NUP210L: variants seen among roughly 807,000 people sequenced by gnomAD.
NUP210L encodes nuclear pore membrane glycoprotein 210-like.
NUP210L carries 74 observed loss-of-function variants against 208.5 expected under a neutral mutation model. That is an observed-to-expected ratio of 0.35 (90% CI 0.29 to 0.43). NUP210L has a LOEUF of 0.43. Ranked by LOEUF, NUP210L falls within the 20% of genes least tolerant of loss-of-function variation. The probability of loss-of-function intolerance (pLI) is 1.00; values close to 1 mark genes in which losing one functional copy is unlikely to be tolerated. For missense variants in NUP210L, 1,843 were observed against 2,289.4 expected (o/e 0.81, Z 3.98); for synonymous variants, 780 against 816.9 (o/e 0.95, Z 0.77).
At chr1:154,068,790 A>G (rs1465570244) in intron 17 of NUP210L, among the ~76,000 whole-genome samples, 2 of 151,432 alleles carry the variant, frequency 1.3e-5, no homozygotes, top group African/African-American at 2.4e-5. Context: ...ACACATGGAC[A>G]CAGGAAGGGG....
At chr1:154,110,338 C>A (rs1280270123) in intron 12 of NUP210L, among the ~76,000 whole-genome samples, 1 of 149,088 alleles carries the variant, frequency 6.7e-6, no homozygotes, top group Non-Finnish European at 1.5e-5. Context: ...GTGGTGCAAT[C>A]TCAGCTCACT....
intron 5 of NUP210L, among the ~76,000 whole-genome samples, chr1:154,139,286 G>C (rs950348141): frequency 1.3e-5 from 2 of 151,990 alleles, no homozygotes; most frequent in African/African-American, 4.8e-5. Flanking sequence ...TCAAAGAAAG[G>C]CCTTGCACCT....
chr1:154,145,156 G>A (rs1414082507), intron 2 of NUP210L, among the ~76,000 whole-genome samples: 1 of 151,516 alleles, frequency 6.6e-6, no homozygotes, highest in Non-Finnish European at 1.5e-5. Context: ...GATGGCTCAC[G>A]CCTGTAATCC....
chr1:154,049,947 G>A (rs542851012), intron 25 of NUP210L, among the ~76,000 whole-genome samples: 21 of 152,312 alleles, frequency 1.4e-4, no homozygotes, highest in Non-Finnish European at 2.6e-4. Flanking sequence ...CAATTTGCCA[G>A]AAGTATGTAG....
chr1:154,136,163 T>C (rs1447734271), intron 6 of NUP210L, among the ~76,000 whole-genome samples, 191 bp from the exon 7 acceptor site: 1 of 152,130 alleles, frequency 6.6e-6, no homozygotes, highest in Non-Finnish European at 1.5e-5. Flanking sequence ...TTAAAATATA[T>C]TGCTGGAGGC....
chr1:154,072,103 T>C (rs1379970736), intron 16 of NUP210L, among the ~76,000 whole-genome samples: 9 of 151,996 alleles, frequency 5.9e-5, no homozygotes, highest in Non-Finnish European at 1.3e-4. Flanking sequence ...TGCAAGTATC[T>C]TTTTCATATA....
rs1249239021 is a variant in NUP210L, at chr1:154,141,620, T to A, written c.473-96A>T. 6 of 728,786 alleles carry A rather than the reference T, an allele frequency of 8.2e-6. No homozygotes were observed. In the East Asian group the frequency reaches 1.5e-4, roughly 18 times the overall value. 45.1% of individuals were successfully genotyped at this position (728,786 alleles called of 1,614,324 possible). On this transcript the variant is annotated intron_variant, in intron 3 of 39. Coordinates refer to ENST00000368559, the Ensembl canonical transcript of NUP210L. Reference sequence around the variant, plus strand: ...AAGGGAAACCTAACTAGAAAATTACTTTGAAGCCTCTTTCATTAAGAAATA... The same window carrying A: ...AAGGGAAACCTAACTAGAAAATTACATTGAAGCCTCTTTCATTAAGAAATA...
At chr1:154,123,880 A>T (rs975573114) in intron 10 of NUP210L, among the ~76,000 whole-genome samples, 1 of 142,546 alleles carries the variant, frequency 7.0e-6, no homozygotes, top group African/African-American at 2.6e-5. Flanking sequence ...TGTCTCAATT[A>T]AAAAAAAAAA....
intron 12 of NUP210L, among the ~76,000 whole-genome samples, chr1:154,112,086 CCTGA>C (rs1037995498): frequency 4.0e-5 from 6 of 151,492 alleles, no homozygotes; most frequent in Non-Finnish European, 7.4e-5. Flanking sequence ...CACCACCATG[CCTGA>C]CTAATTTTTT....
exon 10 of NUP210L, chr1:154,126,351 T>C: frequency 6.2e-7 from 1 of 1,613,350 alleles, no homozygotes; most frequent in South Asian, 1.1e-5. Context: ...CAGGGATGCA[T>C]TTATTACCAC....
chr1:154,052,789 T>C (rs1264711342), intron 25 of NUP210L, among the ~76,000 whole-genome samples: 1 of 152,208 alleles, frequency 6.6e-6, no homozygotes, highest in Non-Finnish European at 1.5e-5. Flanking sequence ...TTTGGGAAGA[T>C]TGCACTGCAG....
intron 23 of NUP210L, among the ~76,000 whole-genome samples, chr1:154,055,123 T>TTTCC: frequency 8.5e-6 from 1 of 117,140 alleles, no homozygotes; most frequent in East Asian, 2.5e-4. Flanking sequence ...TCTTTCTTTC[T>TTTCC]TTTCTTTCTT....
At chr1:153,994,206 C>T (rs1041605093) in intron 38 of NUP210L, among the ~76,000 whole-genome samples, 6 of 152,080 alleles carry the variant, frequency 3.9e-5, no homozygotes, top group African/African-American at 1.4e-4. Context: ...TTATCCCTAA[C>T]TATGAATTTC....
chr1:154,114,553 A>C (rs889972868), intron 12 of NUP210L, among the ~76,000 whole-genome samples: 1 of 152,046 alleles, frequency 6.6e-6, no homozygotes, highest in African/African-American at 2.4e-5. Flanking sequence ...CCATAGGTGA[A>C]TTACGCTAAA....
At chr1:154,150,540 C>T (rs888243239) in intron 2 of NUP210L, among the ~76,000 whole-genome samples, 3 of 151,806 alleles carry the variant, frequency 2.0e-5, no homozygotes, top group Non-Finnish European at 4.4e-5. Flanking sequence ...CTAGCCTGGC[C>T]GACATGGTGA....
Position 154,139,690 on chromosome 1 carries a change from A to C in NUP210L, c.717+112T>G, listed in dbSNP as rs185615709. 9.5e-3 allele frequency: 4,864 copies of C among 510,624 alleles called. 158 individuals are homozygous for C. The highest frequency in any genetic ancestry group is 0.084 in the African/African-American group (4,202 of 50,046). The allele number at this position is 510,624 out of a possible 1,614,324, so 31.6% of individuals were successfully genotyped here. ...TCTACAAAAACAAACAAACAAACAAAAAAAAAAAAAAAACAGGGCGGGTAG... is the reference window on the plus strand; with the variant it reads ...TCTACAAAAACAAACAAACAAACAACAAAAAAAAAAAAACAGGGCGGGTAG... On this transcript the variant is annotated intron_variant, in intron 5 of 39. Transcript: ENST00000368559.
intron 13 of NUP210L, among the ~76,000 whole-genome samples, chr1:154,102,371 C>A (rs1413203445): frequency 6.6e-6 from 1 of 152,020 alleles, no homozygotes; most frequent in Non-Finnish European, 1.5e-5. Context: ...AAGTTGAGTT[C>A]ATGAAGCGCC....
chr1:154,095,097 A>C lies in NUP210L; in HGVS notation c.2025T>G (p.Phe675Leu). The change falls in exon 15 of 40, where the codon TTT becomes TTG. Residue 675 changes from phenylalanine (F) to leucine (L), a missense_variant. This residue lies in a region of NUP210L where 408 missense variants were observed against 600.8 expected (regional missense o/e 0.68). Transcript: ENST00000368559. ...AGATCCATGGACGAGGACCCCCTTC[A>C]AATACCATTTCCTTCACAGACTGCC... 2 of 1,614,150 alleles carry C rather than the reference A, an allele frequency of 1.2e-6. No individual in the cohort carries two copies. Among genetic ancestry groups the C allele is most frequent in the Non-Finnish European group, 1.7e-6 (2 of 1,180,014 alleles).
chr1:154,142,423 A>G (rs1278521858), intron 3 of NUP210L, among the ~76,000 whole-genome samples: 1 of 152,154 alleles, frequency 6.6e-6, no homozygotes, highest in Non-Finnish European at 1.5e-5. Flanking sequence ...ATACAGTATT[A>G]AAAGCATTAA....
Sources: allele counts gnomAD v4.1 joint callset (sites outside exome capture counted in the v4.1 genomes callset), GRCh38; gene constraint gnomAD v4.1.1; regional missense constraint gnomAD v4.1.1; transcripts MANE v1.5; gene names NCBI Gene and HGNC (gene_info 2026-07-23, HGNC 2026-07-21).